CADM2: variants seen among roughly 807,000 people sequenced by gnomAD.
The protein encoded by CADM2 is immunoglobulin superfamily member 4D.
Under a neutral mutation model 49.8 loss-of-function variants are expected in CADM2, and 12 were observed. The ratio of observed to expected loss-of-function variants is 0.24; its 90% CI spans 0.15 to 0.39. The LOEUF (loss-of-function observed/expected upper bound fraction) is 0.39, where lower values mean the gene tolerates loss of function less well. Ranked by LOEUF, CADM2 falls within the 10% of genes least tolerant of loss-of-function variation. CADM2 has a pLI of 1.00. For synonymous variants in CADM2, 214 were observed against 175.4 expected (o/e 1.22, Z -1.74); for missense variants, 378 against 492.3 (o/e 0.77, Z 2.20).
chr3:85,218,557 G>T (rs1044636121), intron 1 of CADM2, among the ~76,000 whole-genome samples: 4 of 152,144 alleles, frequency 2.6e-5, no homozygotes, highest in Admixed American at 6.6e-5. Flanking sequence ...CAGCACTTTT[G>T]GAGCCCGAGG....
At chr3:85,698,231 G>A (rs2066630790) in intron 1 of CADM2, among the ~76,000 whole-genome samples, 1 of 152,292 alleles carries the variant, frequency 6.6e-6, no homozygotes, top group African/African-American at 2.4e-5. Flanking sequence ...AGAGGGGCTG[G>A]TCCAAGGAAG....
intron 1 of CADM2, among the ~76,000 whole-genome samples, chr3:85,395,296 CAAAA>C (rs58315220): frequency 2.6e-5 from 2 of 75,550 alleles, no homozygotes; most frequent in African/African-American, 8.5e-5. Flanking sequence ...AGACTCCATA[CAAAA>C]AAAAAAAAAA....
intron 1 of CADM2, among the ~76,000 whole-genome samples, chr3:85,041,282 T>C (rs1420479079): frequency 2.6e-5 from 4 of 152,212 alleles, no homozygotes; most frequent in Non-Finnish European, 5.9e-5. Context: ...TCTCTAAATT[T>C]TTATCAGGGT....
chr3:85,225,842 G>A (rs2107801344), intron 1 of CADM2, among the ~76,000 whole-genome samples: 1 of 152,280 alleles, frequency 6.6e-6, no homozygotes, highest in Non-Finnish European at 1.5e-5. Flanking sequence ...GGCCTTTTCT[G>A]CATCTATTGA....
intron 1 of CADM2, among the ~76,000 whole-genome samples, chr3:85,329,116 G>T (rs1033151189): frequency 6.6e-6 from 1 of 152,042 alleles, no homozygotes; most frequent in South Asian, 2.1e-4. Context: ...GAAACACAGG[G>T]AGAAGATGAC....
intron 1 of CADM2, among the ~76,000 whole-genome samples, chr3:85,613,137 T>C (rs1238749169): frequency 6.6e-6 from 1 of 151,814 alleles, no homozygotes; most frequent in African/African-American, 2.4e-5. Context: ...TCTTTTCTAA[T>C]GTATGCAGAC....
At chr3:85,197,698 A>T (rs1274880262) in intron 1 of CADM2, among the ~76,000 whole-genome samples, 1 of 152,000 alleles carries the variant, frequency 6.6e-6, no homozygotes, top group African/African-American at 2.4e-5. Flanking sequence ...TGTAAATCGC[A>T]CAAGTCAGCA....
chr3:85,127,607 A>G (rs370742475), intron 1 of CADM2, among the ~76,000 whole-genome samples: 8 of 152,288 alleles, frequency 5.3e-5, no homozygotes, highest in African/African-American at 1.9e-4. Context: ...AGAAAATCAA[A>G]CAATGCTTTT....
chr3:86,039,484 C>A (rs769024284), intron 8 of CADM2, among the ~76,000 whole-genome samples: 1 of 152,164 alleles, frequency 6.6e-6, no homozygotes. Flanking sequence ...CCTCACTCAT[C>A]GCTAGCACAG....
At chr3:85,024,930 T>C (rs2034662933) in intron 1 of CADM2, among the ~76,000 whole-genome samples, 1 of 152,036 alleles carries the variant, frequency 6.6e-6, no homozygotes, top group Admixed American at 6.6e-5. Flanking sequence ...TGTGATTGTG[T>C]TAAGGCGTCA....
At chr3:85,658,576 G>GTACATA (rs1553656705) in intron 1 of CADM2, among the ~76,000 whole-genome samples, 5 of 68,754 alleles carry the variant, frequency 7.3e-5, no homozygotes, top group African/African-American at 2.8e-4. Context: ...GGATATATGT[G>GTACATA]TATATATATA....
intron 1 of CADM2, among the ~76,000 whole-genome samples, chr3:85,668,678 C>A (rs566353321): frequency 2.6e-5 from 4 of 152,272 alleles, no homozygotes; most frequent in South Asian, 4.1e-4. Flanking sequence ...TTGCCTTCTG[C>A]CATGATTGTG....
chr3:85,024,649 C>A (rs2034647296), intron 1 of CADM2, among the ~76,000 whole-genome samples: 1 of 147,774 alleles, frequency 6.8e-6, no homozygotes, highest in Non-Finnish European at 1.5e-5. Flanking sequence ...GAGGGAAAGG[C>A]AGTAATTATA....
intron 1 of CADM2, among the ~76,000 whole-genome samples, chr3:85,330,010 A>T (rs1168599953): frequency 6.6e-6 from 1 of 152,148 alleles, no homozygotes; most frequent in African/African-American, 2.4e-5. Flanking sequence ...TCATTTCTCA[A>T]TTTTTCTGAT....
At chr3:85,511,573 T>A (rs898644801) in intron 1 of CADM2, among the ~76,000 whole-genome samples, 1 of 152,102 alleles carries the variant, frequency 6.6e-6, no homozygotes, top group African/African-American at 2.4e-5. Context: ...ATTTGATACA[T>A]TGTATGCTGG....
chr3:85,689,436 T>C lies in CADM2; in HGVS notation c.62-37086T>C, dbSNP rs143674385. Among the ~76,000 whole-genome samples, 58 of 152,360 alleles carry C rather than the reference T, an allele frequency of 3.8e-4. No homozygotes were observed. In the East Asian group the frequency reaches 0.01, roughly 27 times the overall value. On this transcript the variant is annotated intron_variant, in intron 1 of 9. Transcript: ENST00000383699. ...TAGCTCAGAAACATTTGATATTTTA[T>C]AATTTTACATTTTATATGCAATATA...
intron 1 of CADM2, among the ~76,000 whole-genome samples, chr3:85,412,564 C>G (rs1220068922): frequency 6.7e-6 from 1 of 150,308 alleles, no homozygotes; most frequent in Non-Finnish European, 1.5e-5. Context: ...CATGCTTTTG[C>G]ATTACCAACT....
At chr3:85,461,398 C>A (rs987254652) in intron 1 of CADM2, among the ~76,000 whole-genome samples, 5 of 152,120 alleles carry the variant, frequency 3.3e-5, no homozygotes, top group Admixed American at 3.3e-4. Flanking sequence ...GTGTAAGTTT[C>A]TTTCCTACAA....
chr3:86,024,059 T>A (rs1019371623), intron 8 of CADM2, among the ~76,000 whole-genome samples: 20 of 152,228 alleles, frequency 1.3e-4, no homozygotes, highest in Admixed American at 1.0e-3. Context: ...AAGAAATATT[T>A]ACAATTTGAT....
Sources: gnomAD v4.1 joint callset for allele counts (sites outside exome capture counted in the v4.1 genomes callset) on GRCh38, gnomAD v4.1.1 for gene constraint, MANE v1.5 for transcripts, NCBI Gene and HGNC (gene_info 2026-07-23, HGNC 2026-07-21) for gene names.